BNIP1: variants seen among roughly 807,000 people sequenced by gnomAD.
BNIP1 encodes vesicle transport protein SEC20.
BNIP1 carries 25 observed loss-of-function variants against 28.5 expected under a neutral mutation model. The observed-to-expected ratio is 0.88, with a 90% CI of 0.64 to 1.23. BNIP1 has a LOEUF of 1.23. BNIP1 is among the 50% of genes most tolerant of loss of function. The pLI, the probability that BNIP1 is intolerant of heterozygous loss-of-function variation, is 0.00. For missense variants in BNIP1, 276 were observed against 277.0 expected (o/e 1.00, Z 0.02); for synonymous variants, 118 against 101.7 (o/e 1.16, Z -0.96).
intron 3 of BNIP1, among the ~76,000 whole-genome samples, chr5:173,155,529 C>T (rs1760159295): frequency 6.6e-6 from 1 of 152,018 alleles, no homozygotes; most frequent in Non-Finnish European, 1.5e-5. Context: ...TGAAACCCCT[C>T]TCTACTAAAA....
At chr5:173,153,452 C>T (rs550751640) in intron 2 of BNIP1, among the ~76,000 whole-genome samples, 9 of 152,288 alleles carry the variant, frequency 5.9e-5, no homozygotes, top group African/African-American at 2.2e-4. Flanking sequence ...TGGTCTCGAT[C>T]TCCTGACCTC....
rs1272709369 is a variant in BNIP1 at position 173,144,544 on chromosome 5, A to G, written c.-2A>G. 1 of 1,613,944 alleles carries G rather than the reference A, an allele frequency of 6.2e-7. No homozygotes were observed. Among genetic ancestry groups the G allele is most frequent in the Non-Finnish European group, 8.5e-7 (1 of 1,179,962 alleles). ...CCGCTGCCCGTAGCCGGCGTCCCCA[A>G]CATGGCGGCTCCCCAAGACGTCCAC... On this transcript the variant is annotated 5_prime_UTR_variant, in exon 1 of 6. Transcript: ENST00000351486.
At chr5:173,151,411 AG>A (rs1248783262) in intron 2 of BNIP1, among the ~76,000 whole-genome samples, 2 of 151,496 alleles carry the variant, frequency 1.3e-5, no homozygotes, top group African/African-American at 4.9e-5. Context: ...TTATAGAGAC[AG>A]GGTTTTGCCA....
intron 5 of BNIP1, chr5:173,161,855 TAA>T (rs1760373317): frequency 1.3e-5 from 2 of 152,116 alleles, no homozygotes; most frequent in South Asian, 4.1e-4. Flanking sequence ...AAATTCTCCG[TAA>T]TAATAAAGTT....
chr5:173,152,335 A>C (rs1760048306), intron 2 of BNIP1, among the ~76,000 whole-genome samples: 1 of 151,952 alleles, frequency 6.6e-6, no homozygotes, highest in Non-Finnish European at 1.5e-5. Flanking sequence ...AGCTCTGCTT[A>C]TTCATAGAAT....
At chr5:173,162,033 A>G (rs1379980753) in intron 5 of BNIP1, among the ~76,000 whole-genome samples, 1 of 152,080 alleles carries the variant, frequency 6.6e-6, no homozygotes, top group Non-Finnish European at 1.5e-5. Context: ...TCCTCTGATA[A>G]TTTATCCTAT....
At chr5:173,147,002 G>T (rs755774709) in intron 2 of BNIP1, 44 bp downstream of exon 2, 1 of 1,494,706 alleles carries the variant, frequency 6.7e-7, no homozygotes, top group Admixed American at 1.7e-5. Context: ...TCTGTCCTGG[G>T]TATATCCTCT....
At chr5:173,151,785 C>A in intron 2 of BNIP1, 2 of 1,553,478 alleles carry the variant, frequency 1.3e-6, no homozygotes, top group Admixed American at 1.9e-5. Context: ...AATACGTGTA[C>A]ATTTACATAT....
intron 5 of BNIP1, chr5:173,161,585 T>C (rs887770851): frequency 1.3e-5 from 2 of 152,248 alleles, no homozygotes; most frequent in Non-Finnish European, 2.9e-5. Context: ...GCGATAACTA[T>C]TGAAGAAAAG....
intron 2 of BNIP1, among the ~76,000 whole-genome samples, chr5:173,152,014 C>T (rs1277267578): frequency 6.6e-6 from 1 of 152,198 alleles, no homozygotes; most frequent in Non-Finnish European, 1.5e-5. Context: ...GGCCTCATAT[C>T]CTCAAAACTG....
intron 1 of BNIP1, chr5:173,144,935 C>T (rs1759788586): frequency 3.3e-6 from 1 of 303,104 alleles, no homozygotes; most frequent in African/African-American, 2.2e-5. Flanking sequence ...GTCGTCGCCC[C>T]GCCCCTGACT....
In BNIP1 at chr5:173,163,636, G is replaced by A. The variant is rs1295736785; in HGVS notation, c.491-89G>A. The A allele has an allele frequency of 9.5e-6, 12 of 1,267,858 alleles. No homozygotes were observed. In the Admixed American group the frequency reaches 2.4e-4, roughly 26 times the overall value. The allele number at this position is 1,267,858 out of a possible 1,614,324, so 78.5% of individuals were successfully genotyped here. A position where few individuals can be genotyped will look rare whatever the true frequency, so the allele number is the denominator to read the frequency against. On this transcript the variant is annotated intron_variant, in intron 5 of 5. Coordinates refer to ENST00000351486, the MANE Select transcript of BNIP1 (RefSeq NM_001205.3). ...CAGAGGAACTCACTTGAGAATGCTGGTTTTTATCAGCACCCCAGCCAGCAG... is the reference window on the plus strand; with the variant it reads ...CAGAGGAACTCACTTGAGAATGCTGATTTTTATCAGCACCCCAGCCAGCAG...
intron 2 of BNIP1, among the ~76,000 whole-genome samples, chr5:173,153,979 T>C (rs1171692850): frequency 6.6e-6 from 1 of 152,190 alleles, no homozygotes; most frequent in Admixed American, 6.6e-5. Context: ...GGGGGATCAG[T>C]GTGCTTGTAT....
Position 173,164,041 on chromosome 5 carries a change from G to T in BNIP1, c.*120G>T. 9.4e-7 allele frequency: 1 copy of T among 1,061,770 alleles called. No individual in the cohort carries two copies. 65.8% of individuals were successfully genotyped at this position (1,061,770 alleles called of 1,614,324 possible). A position where few individuals can be genotyped will look rare whatever the true frequency, so the allele number is the denominator to read the frequency against. On this transcript the variant is annotated 3_prime_UTR_variant, in exon 6 of 6. Transcript: ENST00000351486. The surrounding 1 kb of genome is among the most constrained non-coding windows in gnomAD (Gnocchi z 4.0). ...CTCCGTTTGCACCAGTTGCCTGCAGGTTGGATGGAACACAGTGCCCCACTT... is the reference window on the plus strand; with the variant it reads ...CTCCGTTTGCACCAGTTGCCTGCAGTTTGGATGGAACACAGTGCCCCACTT...
intron 2 of BNIP1, among the ~76,000 whole-genome samples, chr5:173,148,078 AAAAAAATATATATATATATATATATAT>A (rs1393852050): frequency 1.7e-4 from 8 of 46,818 alleles, no homozygotes; most frequent in African/African-American, 8.2e-4. Context: ...AAAAAAAAAA[AAAAAAATATATATATATATATATATAT>A]ATATATATAT....
chr5:173,155,795 G>C (rs1447669371), intron 3 of BNIP1, among the ~76,000 whole-genome samples: 1 of 152,058 alleles, frequency 6.6e-6, no homozygotes, highest in Non-Finnish European at 1.5e-5. Context: ...GCTTACTGCA[G>C]CCTCAGGAAC....
intron 2 of BNIP1, among the ~76,000 whole-genome samples, chr5:173,152,423 C>T (rs1760050440): frequency 6.6e-6 from 1 of 151,808 alleles, no homozygotes; most frequent in Non-Finnish European, 1.5e-5. Flanking sequence ...GATCTCGGCT[C>T]ACTGCAATCT....
At chr5:173,159,712 A>G (rs921944999) in intron 4 of BNIP1, among the ~76,000 whole-genome samples, 10 of 152,190 alleles carry the variant, frequency 6.6e-5, no homozygotes, top group Non-Finnish European at 8.8e-5. Context: ...AGGCTCTTCA[A>G]TTGGCAAATT....
intron 1 of BNIP1, chr5:173,144,943 A>C: frequency 3.6e-6 from 1 of 280,586 alleles, no homozygotes; most frequent in South Asian, 5.8e-5. Flanking sequence ...CCCGCCCCTG[A>C]CTACCTCACA....
Sources: gnomAD v4.1 joint callset for allele counts (sites outside exome capture counted in the v4.1 genomes callset) on GRCh38, gnomAD v4.1.1 for gene constraint, Gnocchi (gnomAD v3.1) non-coding constraint, MANE v1.5 for transcripts, NCBI Gene and HGNC (gene_info 2026-07-23, HGNC 2026-07-21) for gene names.